Variants in PFKL observed in about 807,000 individuals in gnomAD.
PFKL encodes the protein phosphofructokinase, liver type, also known as ATP-dependent 6-phosphofructokinase, liver type.
A neutral mutation model predicts 92.1 loss-of-function variants in PFKL; 74 were observed. The observed-to-expected ratio is 0.80, with a 90% CI of 0.67 to 0.97. The LOEUF is 0.97. Ranked by LOEUF, PFKL falls within the 50% of genes least tolerant of loss-of-function variation. PFKL has a pLI of 0.00. For missense variants in PFKL, 1,028 were observed against 1,116.6 expected (o/e 0.92, Z 1.13); for synonymous variants, 494 against 456.4 (o/e 1.08, Z -1.05).
In PFKL at chr21:44,321,916, C is replaced by A; in HGVS notation, c.1338+41C>A. On this transcript the variant is annotated intron_variant, in intron 13 of 21. Transcript: ENST00000349048. ...GCAAACAAGTGAGGACTTGGGCCTTCTGTGTGCACACTTGGGGCATTTCCT... is the reference window on the plus strand; with the variant it reads ...GCAAACAAGTGAGGACTTGGGCCTTATGTGTGCACACTTGGGGCATTTCCT... The A allele has an allele frequency of 2.0e-6, 3 of 1,513,936 alleles. 1 individual carries two copies. In the South Asian group the frequency reaches 4.0e-5, roughly 20 times the overall value. 93.8% of individuals were successfully genotyped at this position (1,513,936 alleles called of 1,614,324 possible).
chr21:44,314,238 G>C lies in PFKL; in HGVS notation c.747+217G>C, dbSNP rs1602023500. The C allele has an allele frequency of 8.1e-5, 46 of 569,446 alleles. No individual in the cohort carries two copies. The East Asian group carries it at 1.2e-3, about 15-fold the overall frequency. 35.3% of individuals were successfully genotyped at this position (569,446 alleles called of 1,614,324 possible). A position where few individuals can be genotyped will look rare whatever the true frequency, so the allele number is the denominator to read the frequency against. ...TCCTGCCCCCAGTGGGCAGGAGGCG[G>C]AGAGGGTCACTCAGGCTGCCGCCGC... On this transcript the variant is annotated intron_variant, in intron 7 of 21. Coordinates refer to ENST00000349048, the MANE Select transcript of PFKL (RefSeq NM_002626.6).
chr21:44,318,436 A>G (rs772907572), intron 9 of PFKL, 34 bp from the exon 10 acceptor site: 1 of 1,462,734 alleles, frequency 6.8e-7, no homozygotes. Context: ...TAGAGGGACC[A>G]AGTGGGTGTG....
Position 44,306,219 on chromosome 21 carries a change from TGTGGGGGCTCC to T in PFKL, c.86-457_86-447del, listed in dbSNP as rs552811956. On this transcript the variant is annotated intron_variant, in intron 1 of 21. Coordinates refer to ENST00000349048, the MANE Select transcript of PFKL (RefSeq NM_002626.6). ...AAGGCCTGGCCCCGTGGCCTGTGAG[TGTGGGGGCTCC>T]GTGGCAGAGGTTGGGGCGGCGGGGT... is the stretch of plus-strand genomic sequence containing the variant. Among the ~76,000 whole-genome samples the T allele has an allele frequency of 1.8e-3, 253 of 142,990 alleles. 2 individuals carry two copies. Among genetic ancestry groups the T allele is most frequent in the African/African-American group, 6.1e-3 (233 of 38,400 alleles). The allele number at this position is 142,990 out of a possible 152,430, so 93.8% of individuals were successfully genotyped here. A position where few individuals can be genotyped will look rare whatever the true frequency, so the allele number is the denominator to read the frequency against.
At chr21:44,325,785 G>C in intron 19 of PFKL, 176 bp from the exon 20 acceptor site, 1 of 597,356 alleles carries the variant, frequency 1.7e-6, no homozygotes, top group Non-Finnish European at 3.0e-6. Context: ...CTTGGAGCTG[G>C]AGAGAGCAGG....
rs2047024442 is a variant in PFKL at position 44,310,988 on chromosome 21, C to T, written c.160-18C>T. The T allele has an allele frequency of 6.2e-7, 1 of 1,606,182 alleles. No individual in the cohort carries two copies. The highest frequency in any genetic ancestry group is 1.1e-5 in the South Asian group (1 of 90,624). ...CATGGGGTCCCCTATCTCATGCCTGCCCCACTCTTGATTTCAGGGCTATGA... is the reference window on the plus strand; with the variant it reads ...CATGGGGTCCCCTATCTCATGCCTGTCCCACTCTTGATTTCAGGGCTATGA... On this transcript the variant is annotated intron_variant, in intron 2 of 21. Transcript: ENST00000349048.
chr21:44,325,191 T>C lies in PFKL; in HGVS notation c.1916T>C (p.Leu639Pro). The change falls in exon 19 of 22, where the codon CTG becomes CCG. Residue 639 changes from leucine (L) to proline (P), a missense_variant. Physicochemically the swap from Leu to Pro is moderately conservative, Grantham distance 98 (BLOSUM62 -3). Transcript: ENST00000349048. The stretch of plus-strand genomic sequence containing the variant: ...CATGACTACTACACCACGGAGTTCC[T>C]GTACAACCTGTACTCATCAGAGGGC... ...KCHDYYTTEF[L>P]YNLYSSEGKG... 1 of 1,613,042 alleles carries C rather than the reference T, an allele frequency of 6.2e-7. No homozygotes were observed. The highest frequency in any genetic ancestry group is 2.2e-5 in the East Asian group (1 of 44,876).
At chr21:44,310,271 T>C (rs1050817376) in intron 2 of PFKL, among the ~76,000 whole-genome samples, 1 of 152,234 alleles carries the variant, frequency 6.6e-6, no homozygotes, top group African/African-American at 2.4e-5. Flanking sequence ...AGGTGCCATC[T>C]GGGAAATCCC....
At chr21:44,303,517 G>A (rs1305449060) in intron 1 of PFKL, among the ~76,000 whole-genome samples, 2 of 151,038 alleles carry the variant, frequency 1.3e-5, no homozygotes, top group South Asian at 2.1e-4. Context: ...TAATTCTCTG[G>A]GCCCTTTGTC....
intron 21 of PFKL, 146 bp downstream of exon 21, chr21:44,326,410 C>T (rs4818907): frequency 0.33 from 229,355 of 685,154 alleles, 41,829 homozygotes; most frequent in Non-Finnish European, 0.38. Context: ...CCCGCCAGGC[C>T]GTGGAGAGCA....
At chr21:44,311,378 GCACA>G (rs1568950071) in intron 3 of PFKL, among the ~76,000 whole-genome samples, 2 of 150,818 alleles carry the variant, frequency 1.3e-5, no homozygotes, top group Admixed American at 6.6e-5. Context: ...ACACAGACGC[GCACA>G]CAGACACACA....
At chr21:44,301,827 T>C (rs9976073) in intron 1 of PFKL, among the ~76,000 whole-genome samples, 52,123 of 151,952 alleles carry the variant, frequency 0.34, 10,036 homozygotes, top group African/African-American at 0.52. Flanking sequence ...GCATCAGCAG[T>C]GGAGGGTTGG....
chr21:44,303,441 A>AAAAAAAGACTTGATCC, intron 1 of PFKL, among the ~76,000 whole-genome samples: 1 of 97,136 alleles, frequency 1.0e-5, no homozygotes, highest in Admixed American at 1.1e-4. Context: ...ACCAAAAAAA[A>AAAAAAAGACTTGATCC]AAAAAAAAAA....
At chr21:44,304,864 G>A (rs1275862807) in intron 1 of PFKL, among the ~76,000 whole-genome samples, 4 of 152,168 alleles carry the variant, frequency 2.6e-5, no homozygotes, top group African/African-American at 7.2e-5. Flanking sequence ...TGTAGCAGCC[G>A]TGCTCCCATC....
In PFKL at chr21:44,313,012, G is replaced by A. The variant is rs142196118; in HGVS notation, c.462G>A (p.Ser154=). 62 of 1,613,064 alleles carry A rather than the reference G, an allele frequency of 3.8e-5. No homozygotes were observed. The African/African-American group carries it at 4.1e-4, about 11-fold the overall frequency. ...KISETTARTY[S]HLNIAGLVGS... ...CAGAGACTACAGCCCGGACCTACTC[G>A]CACCTGAACATCGCGGGCCTAGTGG... is the stretch of plus-strand genomic sequence containing the variant. The change falls in exon 5 of 22, where the codon TCG becomes TCA. Residue 154 remains serine, a synonymous_variant. Coordinates refer to ENST00000349048, the MANE Select transcript of PFKL (RefSeq NM_002626.6).
chr21:44,320,183 G>A (rs1342263433), intron 12 of PFKL, 36 bp downstream of exon 12: 11 of 1,583,244 alleles, frequency 6.9e-6, no homozygotes, highest in South Asian at 1.1e-5. Context: ...AGGGAGGAAC[G>A]GGCTCAGTTA....
At chr21:44,322,065 G>A in intron 13 of PFKL, 68 bp from the exon 14 acceptor site, 1 of 1,533,602 alleles carries the variant, frequency 6.5e-7, no homozygotes, top group South Asian at 1.2e-5. Context: ...CCCGGGCACA[G>A]GCCCACCCCT....
chr21:44,319,559 C>A (rs535879369), intron 11 of PFKL, 144 bp downstream of exon 11: 1 of 731,120 alleles, frequency 1.4e-6, no homozygotes, highest in Non-Finnish European at 2.4e-6. Flanking sequence ...AAGGGGCCTG[C>A]GGGTGGTACA....
At chr21:44,300,310 C>G in intron 1 of PFKL, 120 bp downstream of exon 1, 1 of 307,770 alleles carries the variant, frequency 3.2e-6, no homozygotes, top group Non-Finnish European at 4.9e-6. Flanking sequence ...GCCTCCCGCC[C>G]CGGCCTCCCG....
At chr21:44,318,633 C>T (rs1209938905) in intron 10 of PFKL, 38 bp downstream of exon 10, 3 of 1,431,462 alleles carry the variant, frequency 2.1e-6, no homozygotes, top group Non-Finnish European at 2.8e-6. Context: ...CCGCCTGGCC[C>T]CTCTCCCCAG....
Sources: gnomAD v4.1 joint callset for allele counts (sites outside exome capture counted in the v4.1 genomes callset) on GRCh38, gnomAD v4.1.1 for gene constraint, MANE v1.5 for transcripts, NCBI Gene and HGNC (gene_info 2026-07-23, HGNC 2026-07-21) for gene names.